ACAD10: variants seen among roughly 807,000 people sequenced by gnomAD.
ACAD10 encodes ACAD-10.
ACAD10 carries 112 observed loss-of-function variants against 116.8 expected under a neutral mutation model. That is an observed-to-expected ratio of 0.96 (90% CI 0.82 to 1.12). The LOEUF (loss-of-function observed/expected upper bound fraction) is 1.12, where lower values mean the gene tolerates loss of function less well. Among genes scored for constraint, ACAD10 ranks in the 50% most tolerant of loss-of-function variants. The pLI, the probability that ACAD10 is intolerant of heterozygous loss-of-function variation, is 0.00. For missense variants in ACAD10, 1,259 were observed against 1,350.2 expected (o/e 0.93, Z 1.06); for synonymous variants, 486 against 510.6 (o/e 0.95, Z 0.65).
At chr12:111,748,521 C>CCT (rs767141340) in intron 17 of ACAD10, 46 bp downstream of exon 17, 1 of 1,604,752 alleles carries the variant, frequency 6.2e-7, no homozygotes, top group South Asian at 1.1e-5. Context: ...GGTCTGGTCC[C>CCT]CAGGAAACAC....
Position 111,756,961 on chromosome 12 carries a change from A to C in ACAD10, c.*488A>C, listed in dbSNP as rs1243341333. The C allele has an allele frequency of 1.1e-5, 5 of 445,860 alleles. No individual in the cohort carries two copies. Among genetic ancestry groups the C allele is most frequent in the Non-Finnish European group, 2.3e-5 (5 of 220,690 alleles). The allele number at this position is 445,860 out of a possible 1,614,324, so 27.6% of individuals were successfully genotyped here. A position where few individuals can be genotyped will look rare whatever the true frequency, so the allele number is the denominator to read the frequency against. ...ACCCAGGACCTGGGCGCCTGGGAAAATGGAATGCAACCCACATTGTAAAGC... is the reference window on the plus strand; with the variant it reads ...ACCCAGGACCTGGGCGCCTGGGAAACTGGAATGCAACCCACATTGTAAAGC... On this transcript the variant is annotated 3_prime_UTR_variant, in exon 21 of 21. Transcript: ENST00000313698.
chr12:111,706,822 A>G (rs1888525288), intron 4 of ACAD10, among the ~76,000 whole-genome samples: 1 of 143,136 alleles, frequency 7.0e-6, no homozygotes, highest in Non-Finnish European at 1.5e-5. Context: ...TGCCCAGGCT[A>G]AAGTACAGTG....
chr12:111,686,587 G>C (rs1887862699), intron 1 of ACAD10, among the ~76,000 whole-genome samples: 2 of 152,190 alleles, frequency 1.3e-5, no homozygotes, highest in African/African-American at 4.8e-5. Context: ...TTGGTGGCGC[G>C]CGTCTGTAGT....
intron 19 of ACAD10, 147 bp downstream of exon 19, chr12:111,754,062 G>A: frequency 1.7e-6 from 2 of 1,200,120 alleles, no homozygotes; most frequent in Non-Finnish European, 2.3e-6. Flanking sequence ...AAATTGGAAA[G>A]GCACAAGAAG....
chr12:111,748,332 G>A lies in ACAD10; in HGVS notation c.2501G>A (p.Arg834His), dbSNP rs932721321. The A allele has an allele frequency of 3.5e-5, 56 of 1,613,924 alleles. No individual in the cohort carries two copies. The highest frequency in any genetic ancestry group is 4.4e-5 in the Non-Finnish European group (52 of 1,180,038). Reference protein sequence around the residue: ...KWWITGILDPRCQLCVFMGKT... With the variant: ...KWWITGILDPHCQLCVFMGKT... ...TTCCTGGCAGGCATCCTGGATCCTC[G>A]TTGCCAACTCTGTGTGTTTATGGGA... Residue 834 changes from arginine (R) to histidine (H), a missense_variant, in exon 17 of 21, where the codon CGT (arginine) becomes CAT (histidine). Transcript: ENST00000313698.
rs1219245333 is a variant in ACAD10 at position 111,689,684 on chromosome 12, GTTTGT to G, written c.-13-2999_-13-2995del. Among the ~76,000 whole-genome samples, 35 of 149,686 alleles carry G rather than the reference GTTTGT, an allele frequency of 2.3e-4. 1 individual carries two copies. The highest frequency in any genetic ancestry group is 1.6e-3 in the Admixed American group (24 of 14,962). On this transcript the variant is annotated intron_variant, in intron 1 of 20. Coordinates refer to ENST00000313698, the MANE Select transcript of ACAD10 (RefSeq NM_025247.6). ...CAGTTACTGTGCCCTTACTGTGTGT[GTTTGT>G]TTTGTTTTGTTTTACTTCAAATATT...
chr12:111,690,393 A>C (rs985921635), intron 1 of ACAD10: 1 of 152,058 alleles, frequency 6.6e-6, no homozygotes, highest in Non-Finnish European at 1.5e-5. Context: ...TACGTGTGGA[A>C]TTTTTCATTG....
intron 9 of ACAD10, 115 bp from the exon 10 acceptor site, chr12:111,729,691 C>T (rs1406749818): frequency 7.8e-7 from 1 of 1,278,708 alleles, no homozygotes; most frequent in Non-Finnish European, 1.1e-6. Flanking sequence ...TGTTCAAAGA[C>T]ACTGCACCAC....
In ACAD10 at chr12:111,745,517, T is replaced by C. The variant is rs1047815980; in HGVS notation, c.2115+474T>C. The C allele has an allele frequency of 7.0e-5, 13 of 184,482 alleles. 1 individual carries two copies. Among genetic ancestry groups the C allele is most frequent in the Non-Finnish European group, 1.1e-4 (10 of 90,078 alleles). The allele number at this position is 184,482 out of a possible 1,614,324, so 11.4% of individuals were successfully genotyped here. ...TCCTTATCACGTGAACCTTGGATTGTGTTAGTTTTGAAATTACTTGAGATC... is the reference window on the plus strand; with the variant it reads ...TCCTTATCACGTGAACCTTGGATTGCGTTAGTTTTGAAATTACTTGAGATC... On this transcript the variant is annotated intron_variant, in intron 13 of 20. Coordinates refer to ENST00000313698, the MANE Select transcript of ACAD10 (RefSeq NM_025247.6).
At chr12:111,696,583 C>T (rs936391068) in intron 2 of ACAD10, among the ~76,000 whole-genome samples, 2 of 152,198 alleles carry the variant, frequency 1.3e-5, no homozygotes, top group African/African-American at 4.8e-5. Context: ...GTAATTTCAA[C>T]AGGGTCCGTA....
intron 1 of ACAD10, among the ~76,000 whole-genome samples, chr12:111,687,032 C>T (rs1169543766): frequency 6.6e-6 from 1 of 152,174 alleles, no homozygotes; most frequent in Non-Finnish European, 1.5e-5. Context: ...TTCTGAGGCT[C>T]AGCATTCTTT....
At chr12:111,703,447 T>C (rs776398870) in intron 3 of ACAD10, among the ~76,000 whole-genome samples, 1 of 152,184 alleles carries the variant, frequency 6.6e-6, no homozygotes, top group African/African-American at 2.4e-5. Context: ...TCTACTAAAA[T>C]ATAATTTAAA....
At chr12:111,745,102 C>G in intron 13 of ACAD10, 59 bp downstream of exon 13, 1 of 1,535,860 alleles carries the variant, frequency 6.5e-7, no homozygotes. Context: ...CTCCCCGACC[C>G]CACCGGGCTC....
chr12:111,724,072 G>A (rs1378198278), intron 8 of ACAD10, among the ~76,000 whole-genome samples: 8 of 150,100 alleles, frequency 5.3e-5, no homozygotes, highest in South Asian at 2.1e-4. Context: ...ATGTGATGGC[G>A]GCCGGGAAGA....
At position 111,715,021 on chromosome 12, in the gene ACAD10, A is replaced by G. The variant is rs184707715; in HGVS notation, c.851-800A>G. On this transcript the variant is annotated intron_variant, in intron 6 of 20. Coordinates refer to ENST00000313698, the MANE Select transcript of ACAD10 (RefSeq NM_025247.6). ...GCCTCCGCACCTGGCCAAAGAAGAC[A>G]TTTTTCCCAGGTAATAAAGGCTTCA... 3.7e-4 allele frequency among the ~76,000 whole-genome samples: 56 copies of G among 152,168 alleles called. 1 individual carries two copies. The East Asian group carries it at 7.0e-3, about 19-fold the overall frequency.
At chr12:111,718,609 AGCTG>A (rs1888919439) in intron 7 of ACAD10, among the ~76,000 whole-genome samples, 1 of 151,766 alleles carries the variant, frequency 6.6e-6, no homozygotes. Flanking sequence ...CCTCCTGAGT[AGCTG>A]GGATTACAGG....
Position 111,756,366 on chromosome 12 carries a change from C to T in ACAD10, c.3073C>T (p.Pro1025Ser), listed in dbSNP as rs748666716. Residue 1025 changes from proline (P) to serine (S), a missense_variant, in exon 21 of 21, where the codon CCA becomes TCA. Coordinates refer to ENST00000313698, the MANE Select transcript of ACAD10 (RefSeq NM_025247.6). ...AGCAGCAGGCCTGAGCAGCGACTAC[C>T]CACTGGCTCAGTTCTTCACCTGGGC... is the stretch of plus-strand genomic sequence containing the variant. Reference protein sequence around the residue: ...FGAAGLSSDYPLAQFFTWARA... With the variant: ...FGAAGLSSDYSLAQFFTWARA... The T allele has an allele frequency of 2.0e-5, 33 of 1,611,038 alleles. No homozygotes were observed. The highest frequency in any genetic ancestry group is 2.5e-5 in the Non-Finnish European group (30 of 1,179,346).
At chr12:111,734,383 G>A (rs142465173) in intron 11 of ACAD10, among the ~76,000 whole-genome samples, 1 of 152,088 alleles carries the variant, frequency 6.6e-6, no homozygotes, top group Non-Finnish European at 1.5e-5. Flanking sequence ...ATCCCAGCAC[G>A]TTGGGAGGCC....
At chr12:111,748,648 A>G (rs1889984638) in intron 17 of ACAD10, 173 bp downstream of exon 17, 2 of 745,410 alleles carry the variant, frequency 2.7e-6, no homozygotes, top group South Asian at 3.7e-5. Context: ...TCAACCATGC[A>G]GGCGGATTTC....
Sources: gnomAD v4.1 joint callset for allele counts (sites outside exome capture counted in the v4.1 genomes callset) on GRCh38, gnomAD v4.1.1 for gene constraint, MANE v1.5 for transcripts, NCBI Gene and HGNC (gene_info 2026-07-23, HGNC 2026-07-21) for gene names.